PTPRR: variants seen among roughly 807,000 people sequenced by gnomAD.
The protein encoded by PTPRR is protein tyrosine phosphatase receptor type R.
In PTPRR, 38 loss-of-function variants were observed where a neutral mutation model predicts 77.2. The observed-to-expected ratio is 0.49, with a 90% confidence interval of 0.38 to 0.65. The LOEUF is 0.65. Ranked by LOEUF, PTPRR falls within the 30% of genes least tolerant of loss-of-function variation. PTPRR has a pLI of 0.00. For missense variants in PTPRR, 744 were observed against 799.2 expected, an observed-to-expected ratio of 0.93 and a Z score of 0.83; for synonymous variants, 299 against 283.1, an observed-to-expected ratio of 1.06 and a Z score of -0.57.
At chr12:70,850,100 C>A (rs1892547125) in intron 2 of PTPRR, among the ~76,000 whole-genome samples, 1 of 151,942 alleles carries the variant, frequency 6.6e-6, no homozygotes, top group Non-Finnish European at 1.5e-5. Context: ...GGTGGCTCAC[C>A]TCTGTAATCC....
intron 2 of PTPRR, among the ~76,000 whole-genome samples, chr12:70,871,319 T>C (rs1454525656): frequency 6.6e-6 from 1 of 152,164 alleles, no homozygotes; most frequent in Non-Finnish European, 1.5e-5. Flanking sequence ...TCAGAGCTGC[T>C]CATTCCACAA....
chr12:70,857,916 G>A (rs1446650379), intron 2 of PTPRR, among the ~76,000 whole-genome samples: 1 of 152,132 alleles, frequency 6.6e-6, no homozygotes, highest in Non-Finnish European at 1.5e-5. Flanking sequence ...CTCTAGGGAT[G>A]TGGCAGCCAT....
At chr12:70,911,868 A>G (rs1475023107) in intron 1 of PTPRR, among the ~76,000 whole-genome samples, 2 of 152,026 alleles carry the variant, frequency 1.3e-5, no homozygotes, top group Non-Finnish European at 2.9e-5. Flanking sequence ...TTAACCATTT[A>G]TCATCTCCTT....
At position 70,701,201 on chromosome 12, in the gene PTPRR, A is replaced by G. The variant is rs1416234693; in HGVS notation, c.1130T>C (p.Ile377Thr). ...GTCCCTCAGCTGAGACCTTGTGAGAATTCGGCTGGCTGACTGCAGATACTC... is the reference window on the plus strand; with the variant it reads ...GTCCCTCAGCTGAGACCTTGTGAGAGTTCGGCTGGCTGACTGCAGATACTC... ...AMEYLQSASR[I>T]LTRSQLRDVV... Residue 377 changes from isoleucine (I) to threonine (T), a missense_variant, in exon 7 of 14, where the codon ATT (isoleucine) becomes ACT (threonine). Physicochemically the swap from Ile to Thr is moderately conservative, Grantham distance 89. Coordinates refer to ENST00000283228, the MANE Select transcript of PTPRR (RefSeq NM_002849.4). The G allele has an allele frequency of 1.2e-6, 2 of 1,613,854 alleles. No individual in the cohort carries two copies. Among genetic ancestry groups the G allele is most frequent in the Non-Finnish European group, 1.7e-6 (2 of 1,179,948 alleles).
chr12:70,731,021 AGAGAGAGGAAG>A (rs563016213), intron 6 of PTPRR, among the ~76,000 whole-genome samples: 28 of 112,754 alleles, frequency 2.5e-4, no homozygotes, highest in African/African-American at 7.6e-4. Flanking sequence ...GAGGAAGGAG[AGAGAGAGGAAG>A]GAGAGAGAGG....
At chr12:70,873,697 C>T (rs1893000143) in intron 2 of PTPRR, among the ~76,000 whole-genome samples, 1 of 149,668 alleles carries the variant, frequency 6.7e-6, no homozygotes, top group African/African-American at 2.5e-5. Context: ...TGTGTGATAT[C>T]TTTATTATCT....
chr12:70,891,133 C>G (rs1565732333), intron 2 of PTPRR, among the ~76,000 whole-genome samples: 1 of 152,014 alleles, frequency 6.6e-6, no homozygotes, highest in Non-Finnish European at 1.5e-5. Context: ...TAATCATCAC[C>G]CCAAAGGAAA....
chr12:70,754,405 G>A (rs1308332551), intron 4 of PTPRR, 104 bp from the exon 5 acceptor site: 9 of 1,574,906 alleles, frequency 5.7e-6, no homozygotes, highest in Non-Finnish European at 4.3e-6. Flanking sequence ...ATTCAGTGTA[G>A]TGCAACACAC....
Position 70,802,177 on chromosome 12 carries a change from A to G in PTPRR, c.358-37399T>C, listed in dbSNP as rs561900537. 2.0e-5 allele frequency among the ~76,000 whole-genome samples: 3 copies of G among 152,346 alleles called. No individual in the cohort carries two copies. The East Asian group carries it at 5.8e-4, about 29-fold the overall frequency. ...TGGCGTTCTCATTGAAATAAAATAA[A>G]TAATACTAAAAGAATTATTGAATTA... On this transcript the variant is annotated intron_variant, in intron 2 of 13. Transcript: ENST00000283228.
chr12:70,862,740 T>C (rs1202414540), intron 2 of PTPRR, among the ~76,000 whole-genome samples: 1 of 139,024 alleles, frequency 7.2e-6, no homozygotes, highest in Non-Finnish European at 1.5e-5. Flanking sequence ...TAAAGTATAA[T>C]AATAATAAAA....
intron 2 of PTPRR, among the ~76,000 whole-genome samples, chr12:70,831,680 G>T (rs1892215391): frequency 6.6e-6 from 1 of 152,288 alleles, no homozygotes; most frequent in African/African-American, 2.4e-5. Flanking sequence ...AGGACAGATG[G>T]CAAGCTATCA....
chr12:70,866,596 C>A (rs1892854320), intron 2 of PTPRR, among the ~76,000 whole-genome samples: 2 of 152,256 alleles, frequency 1.3e-5, no homozygotes, highest in South Asian at 2.1e-4. Context: ...CGAATTCTAC[C>A]AAAGGTACAA....
intron 2 of PTPRR, among the ~76,000 whole-genome samples, chr12:70,811,431 G>A (rs893881483): frequency 6.6e-6 from 1 of 152,126 alleles, no homozygotes; most frequent in African/African-American, 2.4e-5. Flanking sequence ...TGCTTTGGCG[G>A]TTTTCTGAGA....
chr12:70,826,811 T>A (rs944885750), intron 2 of PTPRR, among the ~76,000 whole-genome samples: 5 of 152,076 alleles, frequency 3.3e-5, no homozygotes, highest in Non-Finnish European at 7.4e-5. Flanking sequence ...CAGAAGAAAA[T>A]CTAAAATCCT....
intron 1 of PTPRR, among the ~76,000 whole-genome samples, chr12:70,904,236 A>G (rs1338480147): frequency 1.3e-5 from 2 of 151,854 alleles, no homozygotes; most frequent in African/African-American, 2.4e-5. Context: ...ATAAAAATGT[A>G]TATTCCCACA....
At chr12:70,671,805 C>T (rs1368359294) in intron 10 of PTPRR, 3 of 551,134 alleles carry the variant, frequency 5.4e-6, no homozygotes, top group Non-Finnish European at 9.9e-6. Flanking sequence ...GCATGCAGTT[C>T]CCCGGCTAGC....
At chr12:70,808,126 T>C (rs369720220) in intron 2 of PTPRR, among the ~76,000 whole-genome samples, 16 of 152,232 alleles carry the variant, frequency 1.1e-4, no homozygotes, top group African/African-American at 3.6e-4. Context: ...TCTGCTTTTA[T>C]GCAGATGTAG....
At chr12:70,642,047 G>T (rs1886022956) in intron 13 of PTPRR, among the ~76,000 whole-genome samples, 1 of 152,096 alleles carries the variant, frequency 6.6e-6, no homozygotes, top group Non-Finnish European at 1.5e-5. Context: ...TTCTTAGAGA[G>T]TTGTGTCTCC....
intron 6 of PTPRR, among the ~76,000 whole-genome samples, chr12:70,726,022 A>C (rs1378573719): frequency 3.3e-5 from 5 of 152,158 alleles, no homozygotes; most frequent in African/African-American, 1.2e-4. Flanking sequence ...TGATGATCAC[A>C]AGTGATATTT....
Sources: gnomAD v4.1 joint callset for allele counts (sites outside exome capture counted in the v4.1 genomes callset) on GRCh38, gnomAD v4.1.1 for gene constraint, MANE v1.5 for transcripts, NCBI Gene and HGNC (gene_info 2026-07-23, HGNC 2026-07-21) for gene names.